Variants in MME observed in about 807,000 individuals in gnomAD.
The protein encoded by MME is membrane metalloendopeptidase.
Under a neutral mutation model 113.2 loss-of-function variants are expected in MME, and 98 were observed. That is an observed-to-expected ratio of 0.87 (90% CI 0.74 to 1.02). The LOEUF is 1.02. MME is among the 50% of genes least tolerant of loss of function. The probability of loss-of-function intolerance (pLI) is 0.00; values close to 1 mark genes in which losing one functional copy is unlikely to be tolerated. For missense variants in MME, 836 were observed against 896.0 expected, an observed-to-expected ratio of 0.93 and a Z score of 0.86; for synonymous variants, 292 against 300.6, an observed-to-expected ratio of 0.97 and a Z score of 0.30.
intron 12 of MME, 151 bp from the exon 13 acceptor site, chr3:155,143,292 A>T: frequency 1.1e-6 from 1 of 881,600 alleles, no homozygotes; most frequent in Non-Finnish European, 1.8e-6. Flanking sequence ...CATTTGGATT[A>T]CATTTCATCA....
At chr3:155,104,308 A>G (rs972918686) in intron 3 of MME, among the ~76,000 whole-genome samples, 1 of 152,126 alleles carries the variant, frequency 6.6e-6, no homozygotes, top group African/African-American at 2.4e-5. Context: ...AATCTTCTGG[A>G]TCTTCTATGA....
intron 8 of MME, among the ~76,000 whole-genome samples, chr3:155,128,717 A>G (rs945231293): frequency 6.6e-6 from 1 of 152,124 alleles, no homozygotes; most frequent in Non-Finnish European, 1.5e-5. Context: ...AAGTGGAAGC[A>G]ATGCTGTGTC....
intron 22 of MME, among the ~76,000 whole-genome samples, 185 bp from the exon 23 acceptor site, chr3:155,180,175 T>A (rs997753044): frequency 8.5e-5 from 13 of 152,230 alleles, no homozygotes; most frequent in African/African-American, 3.1e-4. Context: ...CTGTTCTTTG[T>A]TACTTCTCCA....
intron 1 of MME, among the ~76,000 whole-genome samples, chr3:155,057,712 T>C (rs2108132836): frequency 6.7e-6 from 1 of 148,808 alleles, no homozygotes; most frequent in South Asian, 2.1e-4. Flanking sequence ...TTTTTCTAAA[T>C]TGTGGTGACT....
chr3:155,048,634 A>T (rs1188808955), intron 1 of MME, among the ~76,000 whole-genome samples: 1 of 152,116 alleles, frequency 6.6e-6, no homozygotes, highest in African/African-American at 2.4e-5. Context: ...TTACACCTGG[A>T]TCCTCATAAA....
intron 1 of MME, among the ~76,000 whole-genome samples, chr3:155,061,437 C>G (rs1431636012): frequency 2.4e-5 from 3 of 126,912 alleles, no homozygotes; most frequent in Non-Finnish European, 4.7e-5. Flanking sequence ...GGCGACAGAG[C>G]GAGGCTCCAT....
At chr3:155,063,426 A>G (rs1277103714) in intron 1 of MME, among the ~76,000 whole-genome samples, 1 of 108,880 alleles carries the variant, frequency 9.2e-6, no homozygotes, top group African/African-American at 3.8e-5. Context: ...TATTCATAAT[A>G]AAAATATTAT....
chr3:155,055,746 C>T (rs1368334130), intron 1 of MME, among the ~76,000 whole-genome samples: 1 of 152,138 alleles, frequency 6.6e-6, no homozygotes, highest in African/African-American at 2.4e-5. Context: ...GTCCCTGAGG[C>T]ACTAGCCGTG....
chr3:155,138,203 T>A lies in MME; in HGVS notation c.822T>A (p.Asn274Lys). The part of the protein sequence containing the change: ...IDENQLALEM[N>K]KVMELEKEIA... ...AAAACCAGCTTGCTTTGGAAATGAA[T>A]AAAGTTATGGAATTGGAAAAAGAAA... The change falls in exon 9 of 23, where the codon AAT becomes AAA. Residue 274 changes from asparagine to lysine, a missense_variant. Transcript: ENST00000360490. The A allele has an allele frequency of 1.2e-6, 2 of 1,613,654 alleles. No individual in the cohort carries two copies. Among genetic ancestry groups the A allele is most frequent in the Non-Finnish European group, 1.7e-6 (2 of 1,179,722 alleles).
chr3:155,111,911 C>A (rs1353571250), intron 3 of MME, among the ~76,000 whole-genome samples: 1 of 152,142 alleles, frequency 6.6e-6, no homozygotes, highest in East Asian at 1.9e-4. Flanking sequence ...GTAGTTAGCA[C>A]TTCTTTCAGG....
At chr3:155,115,395 T>C (rs1718515337) in intron 4 of MME, among the ~76,000 whole-genome samples, 1 of 147,716 alleles carries the variant, frequency 6.8e-6, no homozygotes, top group Non-Finnish European at 1.5e-5. Context: ...AGCGGTATCA[T>C]CTCTAGAGAT....
intron 18 of MME, among the ~76,000 whole-genome samples, chr3:155,167,352 A>G (rs1723178131): frequency 6.6e-6 from 1 of 152,148 alleles, no homozygotes; most frequent in Non-Finnish European, 1.5e-5. Context: ...CTTAAAGGAC[A>G]GGCTGCATGT....
At chr3:155,059,964 C>A (rs1714079781) in intron 1 of MME, among the ~76,000 whole-genome samples, 1 of 152,114 alleles carries the variant, frequency 6.6e-6, no homozygotes, top group African/African-American at 2.4e-5. Context: ...GTTGGGCAGG[C>A]AACTAAACCC....
In MME at chr3:155,084,193, A is replaced by AT; in HGVS notation, c.27dup (p.Ile10TyrfsTer3). The AT allele has an allele frequency of 6.2e-7, 1 of 1,614,132 alleles. No homozygotes were observed. The highest frequency in any genetic ancestry group is 8.5e-7 in the Non-Finnish European group (1 of 1,180,000). ...ATGGGCAAGTCAGAAAGTCAGATGG[A>AT]TATAACTGATATCAACACTCCAAAG... On this transcript the variant is annotated frameshift_variant, in exon 2 of 23. Transcript: ENST00000360490. LOFTEE classifies it high-confidence loss of function.
intron 3 of MME, among the ~76,000 whole-genome samples, chr3:155,102,906 CAG>C (rs1437543776): frequency 2.0e-5 from 3 of 152,178 alleles, no homozygotes; most frequent in Non-Finnish European, 4.4e-5. Flanking sequence ...TCCACACCGG[CAG>C]AGAGTCACTC....
chr3:155,075,596 A>G (rs1576685194), upstream of MME, among the ~76,000 whole-genome samples: 1 of 151,472 alleles, frequency 6.6e-6, no homozygotes. Context: ...TTGTGGTTGT[A>G]TTAGTACTTT....
intron 15 of MME, 50 bp downstream of exon 15, chr3:155,147,274 G>A: frequency 8.5e-7 from 1 of 1,177,264 alleles, no homozygotes; most frequent in Non-Finnish European, 1.3e-6. Context: ...AGGGCTGGTA[G>A]TAGTGTCATT....
intron 9 of MME, among the ~76,000 whole-genome samples, chr3:155,139,554 G>A (rs1720895583): frequency 6.6e-6 from 1 of 152,144 alleles, no homozygotes; most frequent in Non-Finnish European, 1.5e-5. Flanking sequence ...TCAGCCACTA[G>A]TTGGGGAGTT....
chr3:155,088,878 T>A (rs1449142649), intron 3 of MME, among the ~76,000 whole-genome samples: 1 of 152,158 alleles, frequency 6.6e-6, no homozygotes, highest in African/African-American at 2.4e-5. Context: ...TGGCCCCAAC[T>A]TGAACCTTTC....
Sources: allele counts gnomAD v4.1 joint callset (sites outside exome capture counted in the v4.1 genomes callset), GRCh38; gene constraint gnomAD v4.1.1; transcripts MANE v1.5; gene names NCBI Gene and HGNC (gene_info 2026-07-23, HGNC 2026-07-21).